DTNB: variants seen among roughly 807,000 people sequenced by gnomAD.
The protein encoded by DTNB is dystrobrevin beta.
In DTNB, 63 loss-of-function variants were observed where a neutral mutation model predicts 90.7. The ratio of observed to expected loss-of-function variants is 0.69; its 90% CI spans 0.57 to 0.86. The LOEUF is 0.86. DTNB is among the 40% of genes least tolerant of loss of function. The pLI, the probability that DTNB is intolerant of heterozygous loss-of-function variation, is 0.00. For missense variants in DTNB, 744 were observed against 807.1 expected (o/e 0.92, Z 0.95); for synonymous variants, 277 against 286.7 (o/e 0.97, Z 0.34).
chr2:25,492,246 C>T (rs1001284273), intron 9 of DTNB, among the ~76,000 whole-genome samples: 6 of 152,152 alleles, frequency 3.9e-5, no homozygotes, highest in African/African-American at 1.2e-4. Flanking sequence ...TGAACGTAAA[C>T]CATCTGGCTT....
intron 6 of DTNB, among the ~76,000 whole-genome samples, chr2:25,584,356 T>C (rs959447150): frequency 2.0e-5 from 3 of 152,042 alleles, no homozygotes; most frequent in East Asian, 1.9e-4. Context: ...TCACAACAGA[T>C]TGAATGGATA....
intron 9 of DTNB, among the ~76,000 whole-genome samples, chr2:25,491,146 C>CACCCACACACAG (rs71420203): frequency 2.0e-5 from 1 of 50,740 alleles, no homozygotes; most frequent in East Asian, 7.5e-4. Flanking sequence ...AGCACACACA[C>CACCCACACACAG]ACACACACAC....
intron 1 of DTNB, chr2:25,653,278 G>C (rs1422771485): frequency 6.6e-6 from 1 of 152,054 alleles, no homozygotes; most frequent in East Asian, 1.9e-4. Flanking sequence ...AATAAGTCTC[G>C]TGAAATCTGA....
chr2:25,535,849 G>A lies in DTNB; in HGVS notation c.877-4252C>T, dbSNP rs538277830. On this transcript the variant is annotated intron_variant, in intron 8 of 20. Transcript: ENST00000406818. The stretch of plus-strand genomic sequence containing the variant: ...TCACTTCCTCCCAAACGGGGCGGCC[G>A]GGCAGAGGCGCTCCTCACCTCCCAG... 2.1e-3 allele frequency among the ~76,000 whole-genome samples: 305 copies of A among 145,854 alleles called. 5 individuals carry two copies. Among genetic ancestry groups the A allele is most frequent in the African/African-American group, 7.5e-3 (290 of 38,618 alleles).
At chr2:25,379,253 AG>A in intron 20 of DTNB, 36 bp downstream of exon 20, 1 of 1,312,162 alleles carries the variant, frequency 7.6e-7, no homozygotes, top group Non-Finnish European at 9.8e-7. Context: ...GGAAGGAGGG[AG>A]GGGCCGTGGG....
At chr2:25,540,840 G>A (rs1022209475) in intron 8 of DTNB, among the ~76,000 whole-genome samples, 1 of 151,932 alleles carries the variant, frequency 6.6e-6, no homozygotes. Flanking sequence ...ATGCTTGAAG[G>A]CAGCATGCTC....
chr2:25,403,177 G>A (rs552083800), intron 16 of DTNB, among the ~76,000 whole-genome samples: 21 of 152,218 alleles, frequency 1.4e-4, no homozygotes, highest in Admixed American at 4.6e-4. Flanking sequence ...GCGCAGTGGC[G>A]CAATCTCGGC....
intron 12 of DTNB, among the ~76,000 whole-genome samples, chr2:25,442,856 A>G (rs1254423871): frequency 1.3e-5 from 2 of 152,244 alleles, no homozygotes; most frequent in African/African-American, 4.8e-5. Context: ...TTGGGAATCA[A>G]CTATCCTTCA....
At chr2:25,668,092 A>T (rs1328851005) in intron 1 of DTNB, among the ~76,000 whole-genome samples, 1 of 152,124 alleles carries the variant, frequency 6.6e-6, no homozygotes, top group African/African-American at 2.4e-5. Flanking sequence ...ACAAAAAATT[A>T]GCCAGGCATG....
intron 1 of DTNB, among the ~76,000 whole-genome samples, chr2:25,659,899 A>G (rs2082809046): frequency 6.6e-6 from 1 of 152,204 alleles, no homozygotes; most frequent in Non-Finnish European, 1.5e-5. Flanking sequence ...GGCAGAAAAA[A>G]AGGAAAACTA....
At chr2:25,459,367 T>A (rs1319720658) in intron 10 of DTNB, among the ~76,000 whole-genome samples, 2 of 152,222 alleles carry the variant, frequency 1.3e-5, no homozygotes. Context: ...TTAAGTTCAG[T>A]GTAAGTCCAT....
At chr2:25,399,350 C>CCTTTTTTTTTTTTT (rs1553325367) in intron 16 of DTNB, 2 of 119,964 alleles carry the variant, frequency 1.7e-5, no homozygotes, top group African/African-American at 7.4e-5. Flanking sequence ...CGCCCCTGAC[C>CCTTTTTTTTTTTTT]TTTTTTTTTT....
At chr2:25,422,589 A>G (rs893939578) in intron 15 of DTNB, among the ~76,000 whole-genome samples, 14 of 151,900 alleles carry the variant, frequency 9.2e-5, no homozygotes, top group Non-Finnish European at 2.1e-4. Context: ...TATTTTTAGT[A>G]GAGGTGGGAT....
At chr2:25,607,382 A>ATCAC in intron 4 of DTNB, 61 bp from the exon 5 acceptor site, 1 of 1,499,622 alleles carries the variant, frequency 6.7e-7, no homozygotes, top group Non-Finnish European at 9.1e-7. Context: ...ACTCGAATGT[A>ATCAC]TCACTAAATA....
chr2:25,458,835 C>T (rs549444800), intron 10 of DTNB, among the ~76,000 whole-genome samples: 7 of 152,118 alleles, frequency 4.6e-5, no homozygotes, highest in African/African-American at 9.6e-5. Flanking sequence ...TTAGTAGAGA[C>T]GGGGTTTCAC....
chr2:25,622,077 C>T (rs1436290538), intron 4 of DTNB, among the ~76,000 whole-genome samples: 3 of 150,836 alleles, frequency 2.0e-5, no homozygotes, highest in Non-Finnish European at 3.0e-5. Context: ...AAATTTCATT[C>T]TATTTCTGAA....
Position 25,499,198 on chromosome 2 carries a change from C to CAAACAA in DTNB, c.1002-16331_1002-16326dup, listed in dbSNP as rs577473954. The stretch of plus-strand genomic sequence containing the variant: ...TGTCATTGCAAAAAAAAAAACCAAA[C>CAAACAA]AAACAAAAACAAAAACAACCATATC... On this transcript the variant is annotated intron_variant, in intron 9 of 20. Coordinates refer to ENST00000406818, the MANE Select transcript of DTNB (RefSeq NM_021907.5). 8.0e-3 allele frequency among the ~76,000 whole-genome samples: 1,203 copies of CAAACAA among 150,920 alleles called. 20 individuals carry two copies. Among genetic ancestry groups the CAAACAA allele is most frequent in the African/African-American group, 0.028 (1,155 of 41,198 alleles).
At chr2:25,587,033 C>T (rs567016514) in intron 6 of DTNB, among the ~76,000 whole-genome samples, 13 of 152,260 alleles carry the variant, frequency 8.5e-5, no homozygotes, top group Non-Finnish European at 1.6e-4. Context: ...CCCCATGGCC[C>T]TGTGGCAACA....
chr2:25,625,341 G>A (rs2073875711), intron 4 of DTNB, among the ~76,000 whole-genome samples: 1 of 152,068 alleles, frequency 6.6e-6, no homozygotes, highest in African/African-American at 2.4e-5. Context: ...TTAACATTCT[G>A]ATAACCAGAT....
Sources: gnomAD v4.1 joint callset for allele counts (sites outside exome capture counted in the v4.1 genomes callset) on GRCh38, gnomAD v4.1.1 for gene constraint, MANE v1.5 for transcripts, NCBI Gene and HGNC (gene_info 2026-07-23, HGNC 2026-07-21) for gene names.